Variants in CPNE2 observed in about 807,000 individuals in gnomAD.
CPNE2 encodes the protein copine-2.
Under a neutral mutation model 69.7 loss-of-function variants are expected in CPNE2, and 42 were observed. The observed-to-expected ratio is 0.60, with a 90% CI of 0.47 to 0.78. CPNE2 has a LOEUF of 0.78. Among genes scored for constraint, CPNE2 ranks in the 30% least tolerant of loss-of-function variants. CPNE2 has a pLI of 0.00. For missense variants in CPNE2, 587 were observed against 732.0 expected (o/e 0.80, Z 2.29); for synonymous variants, 294 against 289.8 (o/e 1.01, Z -0.15).
intron 6 of CPNE2, 129 bp downstream of exon 6, chr16:57,119,407 A>C: frequency 1.8e-6 from 2 of 1,129,752 alleles, no homozygotes; most frequent in Non-Finnish European, 2.7e-6. Context: ...CACCTGAGGG[A>C]TATGCTTCCT....
Position 57,146,266 on chromosome 16 carries a change from GGGA to G in CPNE2, c.1490_1492del (p.Glu497del), listed in dbSNP as rs776518033. ...AGCCGCATGCTGCGCTCCCACACGG[GGGA>G]GGAGGCAGCCCGCGATATTGTGCAG... is the stretch of plus-strand genomic sequence containing the variant. On this transcript the variant is annotated inframe_deletion, in exon 15 of 16. Coordinates refer to ENST00000290776, the MANE Select transcript of CPNE2 (RefSeq NM_152727.6). The surrounding 1 kb of genome is among the most constrained non-coding windows in gnomAD (Gnocchi z 4.4). 45 of 1,557,214 alleles carry G rather than the reference GGGA, an allele frequency of 2.9e-5. No homozygotes were observed. Among genetic ancestry groups the G allele is most frequent in the Non-Finnish European group, 3.9e-5 (45 of 1,149,768 alleles).
rs1181634754 is a variant in CPNE2 at position 57,121,105 on chromosome 16, G to A, written c.694G>A (p.Asp232Asn). The change falls in exon 8 of 16, where the codon GAC (aspartate) becomes AAC (asparagine). Residue 232 changes from aspartate to asparagine, a missense_variant. Asp to Asn is a conservative substitution (Grantham distance 23). Coordinates refer to ENST00000290776, the MANE Select transcript of CPNE2 (RefSeq NM_152727.6). ...MEKPIQVMCY[D>N]YDNDGGHDFI... ...GAACCCACCCCAGGTCATGTGCTAC[G>A]ACTATGACAATGACGGGGGCCATGA... 2.5e-6 allele frequency: 4 copies of A among 1,613,662 alleles called. No homozygotes were observed. Among genetic ancestry groups the A allele is most frequent in the Non-Finnish European group, 3.4e-6 (4 of 1,179,796 alleles).
chr16:57,135,059 C>G (rs1472906888), intron 13 of CPNE2, among the ~76,000 whole-genome samples: 1 of 152,202 alleles, frequency 6.6e-6, no homozygotes, highest in Non-Finnish European at 1.5e-5. Context: ...CACTGTACCT[C>G]CTGGGCCTTT....
chr16:57,101,606 C>T (rs1331532035), intron 1 of CPNE2, among the ~76,000 whole-genome samples: 2 of 152,210 alleles, frequency 1.3e-5, no homozygotes, highest in African/African-American at 2.4e-5. Flanking sequence ...ATGCCAAATC[C>T]AACTACACTA....
At chr16:57,136,482 G>T (rs529919857) in intron 13 of CPNE2, among the ~76,000 whole-genome samples, 1 of 152,172 alleles carries the variant, frequency 6.6e-6, no homozygotes, top group Non-Finnish European at 1.5e-5. Flanking sequence ...TGCAAGCTTC[G>T]CCAAGCCCCT....
intron 10 of CPNE2, chr16:57,125,423 G>A (rs1416541802): frequency 2.2e-6 from 1 of 450,530 alleles, no homozygotes; most frequent in Admixed American, 2.4e-5. Context: ...TGGGGGTGAG[G>A]TTATCTGGGA....
At chr16:57,104,209 C>T (rs1323343049) in intron 1 of CPNE2, among the ~76,000 whole-genome samples, 7 of 152,220 alleles carry the variant, frequency 4.6e-5, no homozygotes, top group Non-Finnish European at 5.9e-5. Context: ...TGAGCCACCA[C>T]GCCCGGCCGG....
chr16:57,093,630 T>C (rs2069559260), intron 1 of CPNE2, among the ~76,000 whole-genome samples: 1 of 152,174 alleles, frequency 6.6e-6, no homozygotes, highest in African/African-American at 2.4e-5. Flanking sequence ...TGGTAGCTAA[T>C]AGGGTGTTCA....
intron 11 of CPNE2, 128 bp downstream of exon 11, chr16:57,126,121 A>T (rs187818520): frequency 8.4e-7 from 1 of 1,184,468 alleles, no homozygotes; most frequent in African/African-American, 1.5e-5. Flanking sequence ...GCATAGGTGC[A>T]GTTATTACCC....
intron 13 of CPNE2, among the ~76,000 whole-genome samples, chr16:57,136,807 G>C (rs1360022740): frequency 6.6e-6 from 1 of 152,168 alleles, no homozygotes; most frequent in Admixed American, 6.5e-5. Flanking sequence ...CCAGCTACTC[G>C]GGAGGCCGAG....
At chr16:57,137,102 A>G (rs762395090) in intron 13 of CPNE2, 47 bp from the exon 14 acceptor site, 2 of 1,602,620 alleles carry the variant, frequency 1.2e-6, no homozygotes, top group South Asian at 1.1e-5. Context: ...GAGAGTGGGT[A>G]TGGGGTCAGG....
At chr16:57,135,186 G>A (rs1567326805) in intron 13 of CPNE2, among the ~76,000 whole-genome samples, 1 of 152,182 alleles carries the variant, frequency 6.6e-6, no homozygotes, top group African/African-American at 2.4e-5. Flanking sequence ...AGGAGGAGGT[G>A]AGGGTGGCAC....
chr16:57,127,993 T>C, intron 12 of CPNE2, 90 bp downstream of exon 12: 1 of 1,347,818 alleles, frequency 7.4e-7, no homozygotes, highest in African/African-American at 1.4e-5. Flanking sequence ...GGTCTTGGGC[T>C]GGGGCCCTGT....
Position 57,119,197 on chromosome 16 carries a change from C to T in CPNE2, c.510C>T (p.Asp170=). 6.2e-7 allele frequency: 1 copy of T among 1,613,948 alleles called. No homozygotes were observed. Reference sequence around the variant, plus strand: ...CCGCATCCTCCCACTTCTCCCAGGACCTCTTTGGGAAGTCAGACCCCTTTC... The same window carrying T: ...CCGCATCCTCCCACTTCTCCCAGGATCTCTTTGGGAAGTCAGACCCCTTTC... ...SLAGRRLDKK[D]LFGKSDPFLE... is the part of the protein sequence containing the mutation. Residue 170 remains aspartate (D), a splice_region_variant and synonymous_variant, in exon 6 of 16, where the codon GAC becomes GAT. Transcript: ENST00000290776.
intron 4 of CPNE2, among the ~76,000 whole-genome samples, chr16:57,116,390 A>G (rs564028610): frequency 6.6e-6 from 1 of 152,090 alleles, no homozygotes; most frequent in South Asian, 2.1e-4. Context: ...TAACTGGCCC[A>G]TCTAAATGCC....
intron 11 of CPNE2, among the ~76,000 whole-genome samples, chr16:57,127,234 G>T (rs1049420309): frequency 2.0e-5 from 3 of 152,204 alleles, no homozygotes; most frequent in Non-Finnish European, 4.4e-5. Flanking sequence ...TAGAGGATGA[G>T]TAGGAGTTTG....
intron 1 of CPNE2, chr16:57,105,930 C>T (rs539915813): frequency 6.6e-6 from 1 of 152,448 alleles, no homozygotes; most frequent in East Asian, 1.9e-4. Flanking sequence ...CCCAGATGCG[C>T]ATGGCAGGCC....
intron 1 of CPNE2, among the ~76,000 whole-genome samples, chr16:57,103,867 A>G (rs974188656): frequency 6.6e-6 from 1 of 152,108 alleles, no homozygotes; most frequent in Non-Finnish European, 1.5e-5. Flanking sequence ...CAAGTGCTTT[A>G]CCTCACTGAA....
chr16:57,096,244 T>C (rs566993478), intron 1 of CPNE2, among the ~76,000 whole-genome samples: 12 of 152,198 alleles, frequency 7.9e-5, no homozygotes, highest in Non-Finnish European at 1.5e-4. Flanking sequence ...ATTTCAAACT[T>C]GTAGCCTACA....
Sources: gnomAD v4.1 joint callset for allele counts (sites outside exome capture counted in the v4.1 genomes callset) on GRCh38, gnomAD v4.1.1 for gene constraint, Gnocchi (gnomAD v3.1) non-coding constraint, MANE v1.5 for transcripts, NCBI Gene and HGNC (gene_info 2026-07-23, HGNC 2026-07-21) for gene names.